The following AGBL4 variants were observed in gnomAD, a reference collection of about 807,000 sequenced individuals.
The protein encoded by AGBL4 is cytosolic carboxypeptidase 6.
AGBL4 carries 58 observed loss-of-function variants against 66.4 expected under a neutral mutation model. The ratio of observed to expected loss-of-function variants is 0.87; its 90% confidence interval spans 0.71 to 1.09. The LOEUF (loss-of-function observed/expected upper bound fraction) is 1.09. AGBL4 is among the 50% of genes least tolerant of loss of function. AGBL4 has a pLI of 0.00. For missense variants in AGBL4, 579 were observed against 631.0 expected (o/e 0.92, Z 0.88); for synonymous variants, 234 against 222.9 (o/e 1.05, Z -0.44).
intron 6 of AGBL4, among the ~76,000 whole-genome samples, chr1:48,825,132 G>C (rs1480568542): frequency 6.6e-6 from 1 of 152,150 alleles, no homozygotes; most frequent in African/African-American, 2.4e-5. Context: ...GGGTAGCTTG[G>C]AGGGAGGAGG....
intron 1 of AGBL4, among the ~76,000 whole-genome samples, chr1:49,920,465 A>T (rs1652104443): frequency 1.3e-5 from 2 of 152,254 alleles, no homozygotes; most frequent in South Asian, 4.1e-4. Context: ...GAAAACATTT[A>T]TGCAGCCAAC....
intron 3 of AGBL4, among the ~76,000 whole-genome samples, chr1:49,592,752 G>A (rs1165440580): frequency 2.6e-5 from 4 of 152,188 alleles, no homozygotes; most frequent in Non-Finnish European, 5.9e-5. Context: ...ATGCTGGTGA[G>A]GTTGTGGAGA....
chr1:50,005,005 G>A (rs1661026712), intron 1 of AGBL4, among the ~76,000 whole-genome samples: 1 of 152,092 alleles, frequency 6.6e-6, no homozygotes, highest in South Asian at 2.1e-4. Flanking sequence ...AGATTCCTAA[G>A]GTTTCCAGGA....
chr1:49,123,522 T>C (rs1645703943), intron 4 of AGBL4, among the ~76,000 whole-genome samples: 1 of 152,208 alleles, frequency 6.6e-6, no homozygotes, highest in Admixed American at 6.5e-5. Flanking sequence ...AACAACAGTT[T>C]GCTCTCTCAT....
At chr1:49,757,068 A>G (rs572754738) in intron 2 of AGBL4, among the ~76,000 whole-genome samples, 104 of 152,230 alleles carry the variant, frequency 6.8e-4, no homozygotes, top group African/African-American at 2.4e-3. Context: ...TGATTAGATC[A>G]TGGGGGCAGT....
chr1:49,284,592 C>T (rs1013246048), intron 3 of AGBL4, among the ~76,000 whole-genome samples: 2 of 152,140 alleles, frequency 1.3e-5, no homozygotes, highest in African/African-American at 4.8e-5. Flanking sequence ...TGGATAAAGA[C>T]TCAAGATCCA....
At chr1:48,929,612 C>G (rs1026650566) in intron 5 of AGBL4, among the ~76,000 whole-genome samples, 3 of 152,160 alleles carry the variant, frequency 2.0e-5, no homozygotes, top group Non-Finnish European at 2.9e-5. Flanking sequence ...TAACTATAAA[C>G]TCCATTGAAG....
chr1:49,862,078 G>A (rs1646586775), intron 1 of AGBL4, among the ~76,000 whole-genome samples: 1 of 152,206 alleles, frequency 6.6e-6, no homozygotes, highest in African/African-American at 2.4e-5. Flanking sequence ...GAAAAATAGA[G>A]ATATGTGACC....
intron 3 of AGBL4, among the ~76,000 whole-genome samples, chr1:49,654,675 T>TA (rs1553243260): frequency 6.6e-6 from 1 of 152,240 alleles, no homozygotes; most frequent in Non-Finnish European, 1.5e-5. Context: ...TATCATTATA[T>TA]AATGGCCTTC....
intron 6 of AGBL4, chr1:48,776,713 A>C: frequency 6.6e-7 from 1 of 1,522,312 alleles, no homozygotes; most frequent in Non-Finnish European, 8.8e-7. Flanking sequence ...GCCCCGGTAC[A>C]CGGCGTACAC....
chr1:48,756,708 A>G (rs572610616), intron 6 of AGBL4, among the ~76,000 whole-genome samples: 184 of 152,346 alleles, frequency 1.2e-3, no homozygotes, highest in African/African-American at 4.2e-3. Flanking sequence ...AAGTTGGCAC[A>G]TTAGCATCCT....
rs137919015 is a variant in AGBL4, at chr1:49,100,258, T to A, written c.378-54458A>T. Among the ~76,000 whole-genome samples the A allele has an allele frequency of 6.8e-3, 1,038 of 152,322 alleles. 10 individuals are homozygous for A. Among genetic ancestry groups the A allele is most frequent in the African/African-American group, 0.023 (967 of 41,576 alleles). On this transcript the variant is annotated intron_variant, in intron 4 of 13. Coordinates refer to ENST00000371839, the MANE Select transcript of AGBL4 (RefSeq NM_032785.4). ...CTAGAATGGCTTTTCAGAGCTGTCC[T>A]AAGTTGGGCCGAGATAACCAGGCCT...
chr1:48,615,867 C>T (rs1309807380), intron 9 of AGBL4, among the ~76,000 whole-genome samples: 1 of 152,154 alleles, frequency 6.6e-6, no homozygotes, highest in Admixed American at 6.5e-5. Flanking sequence ...GATCAAGGCA[C>T]CAGCAGTTCA....
At chr1:49,744,869 A>G (rs1453981589) in intron 2 of AGBL4, among the ~76,000 whole-genome samples, 1 of 152,126 alleles carries the variant, frequency 6.6e-6, no homozygotes, top group African/African-American at 2.4e-5. Context: ...ACTGTATTTT[A>G]TCTGTTAAGG....
chr1:49,990,277 T>A (rs1260880238), intron 1 of AGBL4, among the ~76,000 whole-genome samples: 3 of 152,190 alleles, frequency 2.0e-5, no homozygotes, highest in Admixed American at 1.3e-4. Context: ...TGAATTGTAA[T>A]CCCCAGGTGT....
intron 6 of AGBL4, among the ~76,000 whole-genome samples, chr1:48,719,210 A>T (rs1305782399): frequency 6.6e-6 from 1 of 152,108 alleles, no homozygotes; most frequent in African/African-American, 2.4e-5. Flanking sequence ...CATAGGGTGG[A>T]TGCTGTGTCT....
chr1:49,285,130 C>T (rs1310382911), intron 3 of AGBL4, among the ~76,000 whole-genome samples: 2 of 152,120 alleles, frequency 1.3e-5, no homozygotes, highest in African/African-American at 4.8e-5. Context: ...GTAAAGCTCT[C>T]CTCAGCAAAT....
intron 3 of AGBL4, among the ~76,000 whole-genome samples, chr1:49,513,991 G>A (rs1227916418): frequency 6.6e-6 from 1 of 151,954 alleles, no homozygotes; most frequent in African/African-American, 2.4e-5. Context: ...ATTGCGAATG[G>A]GAGTTCACTC....
intron 1 of AGBL4, among the ~76,000 whole-genome samples, chr1:49,931,701 T>C (rs1206531015): frequency 6.6e-6 from 1 of 152,174 alleles, no homozygotes. Context: ...AAAATTGATC[T>C]AAAGATTTAA....
Sources: gnomAD v4.1 joint callset for allele counts (sites outside exome capture counted in the v4.1 genomes callset) on GRCh38, gnomAD v4.1.1 for gene constraint, MANE v1.5 for transcripts, NCBI Gene and HGNC (gene_info 2026-07-23, HGNC 2026-07-21) for gene names.